The following CACNA1I variants were observed in gnomAD, a reference collection of about 807,000 sequenced individuals.
CACNA1I encodes the protein voltage-dependent T-type calcium channel subunit alpha-1I.
Under a neutral mutation model 201.6 loss-of-function variants are expected in CACNA1I, and 74 were observed. The observed-to-expected ratio is 0.37, with a 90% confidence interval of 0.30 to 0.45. CACNA1I has a LOEUF of 0.45. CACNA1I is among the 20% of genes least tolerant of loss of function. CACNA1I has a pLI of 1.00. For synonymous variants in CACNA1I, 1,431 were observed against 1,345.2 expected (o/e 1.06, Z -1.40); for missense variants, 2,346 against 3,138.1 (o/e 0.75, Z 6.03).
Position 39,677,307 on chromosome 22 carries a change from C to A in CACNA1I, c.4855-34C>A. On this transcript the variant is annotated intron_variant, in intron 29 of 36. Coordinates refer to ENST00000402142, the MANE Select transcript of CACNA1I (RefSeq NM_021096.4). The surrounding 1 kb of genome is among the most constrained non-coding windows in gnomAD (Gnocchi z 4.8). ...GGCCTGGTGCGCCCCCACCCGCTCC[C>A]CAGCCCCACCCGGCCTCACCTGTCC... The A allele has an allele frequency of 6.6e-7, 1 of 1,511,262 alleles. No homozygotes were observed. The highest frequency in any genetic ancestry group is 9.0e-7 in the Non-Finnish European group (1 of 1,115,266). The allele number at this position is 1,511,262 out of a possible 1,614,324, so 93.6% of individuals were successfully genotyped here.
intron 15 of CACNA1I, 122 bp from the exon 16 acceptor site, chr22:39,660,986 G>A (rs111329421): frequency 1.6e-5 from 13 of 788,384 alleles, no homozygotes; most frequent in African/African-American, 6.9e-5. Context: ...GGTAGAGGAA[G>A]CCTCCTTAGA....
chr22:39,600,611 G>C lies in CACNA1I; in HGVS notation c.440G>C (p.Gly147Ala). 6.2e-7 allele frequency: 1 copy of C among 1,609,552 alleles called. No individual in the cohort carries two copies. The highest frequency in any genetic ancestry group is 8.5e-7 in the Non-Finnish European group (1 of 1,178,146). ...LGIFGKKCYL[G>A]DTWNRLDFFI... ...ATTTTTGGCAAGAAGTGCTACCTCG[G>C]GGACACATGGAACCGCCTGGATTTC... Residue 147 changes from glycine (G) to alanine (A), a missense_variant, in exon 3 of 37, where the codon GGG becomes GCG. Transcript: ENST00000402142.
intron 5 of CACNA1I, among the ~76,000 whole-genome samples, chr22:39,637,846 T>G (rs913561854): frequency 3.3e-5 from 5 of 152,240 alleles, no homozygotes; most frequent in Admixed American, 3.3e-4. Context: ...CAGTGCTTTC[T>G]TTTAGGAACT....
rs531581992 is a variant in CACNA1I at position 39,641,231 on chromosome 22, C to T, written c.1056+49C>T. On this transcript the variant is annotated intron_variant, in intron 6 of 36. Coordinates refer to ENST00000402142, the MANE Select transcript of CACNA1I (RefSeq NM_021096.4). ...CAGCCTGGTCCTAGAGTGGGCAGCT[C>T]TGCCTGGTGGGCAGGGCTCTGTGCT... The T allele has an allele frequency of 2.6e-6, 4 of 1,511,020 alleles. No homozygotes were observed. The Admixed American group carries it at 6.8e-5, about 26-fold the overall frequency. 93.6% of individuals were successfully genotyped at this position (1,511,020 alleles called of 1,614,324 possible). A position where few individuals can be genotyped will look rare whatever the true frequency, so the allele number is the denominator to read the frequency against.
At chr22:39,672,791 A>T (rs1483838118) in intron 27 of CACNA1I, among the ~76,000 whole-genome samples, 158 bp from the exon 28 acceptor site, 1 of 152,122 alleles carries the variant, frequency 6.6e-6, no homozygotes, top group Non-Finnish European at 1.5e-5. Flanking sequence ...GCCTGGACCC[A>T]GTGGCGTTAG....
intron 5 of CACNA1I, among the ~76,000 whole-genome samples, chr22:39,637,287 C>T (rs971290533): frequency 1.3e-5 from 2 of 152,192 alleles, no homozygotes; most frequent in Non-Finnish European, 2.9e-5. Flanking sequence ...AATGGGGCTT[C>T]TCGCTTCACA....
chr22:39,589,602 G>C (rs1932798817), intron 1 of CACNA1I, among the ~76,000 whole-genome samples: 1 of 152,204 alleles, frequency 6.6e-6, no homozygotes, highest in East Asian at 1.9e-4. Context: ...AGCTGAGCCT[G>C]GTTCATCTCA....
intron 34 of CACNA1I, among the ~76,000 whole-genome samples, chr22:39,681,702 G>A (rs960946263): frequency 6.6e-6 from 1 of 151,772 alleles, no homozygotes; most frequent in Non-Finnish European, 1.5e-5. Flanking sequence ...TGATCTCAAG[G>A]TCAAGGTGGT....
At chr22:39,631,757 G>C (rs2146408993) in intron 4 of CACNA1I, among the ~76,000 whole-genome samples, 1 of 152,272 alleles carries the variant, frequency 6.6e-6, no homozygotes, top group Non-Finnish European at 1.5e-5. Flanking sequence ...AGTCTCCAGA[G>C]GCACTGAGGG....
rs78716065 is a variant in CACNA1I, at chr22:39,650,878, G to T, written c.1992+953G>T. 3.6e-3 allele frequency among the ~76,000 whole-genome samples: 546 copies of T among 152,316 alleles called. 4 individuals are homozygous for T. The highest frequency in any genetic ancestry group is 0.013 in the African/African-American group (525 of 41,562). On this transcript the variant is annotated intron_variant, in intron 10 of 36. Transcript: ENST00000402142. Reference sequence around the variant, plus strand: ...GGACAGCTTCTGGGAGATGGTGGGAGCTGGGGGAGGATGTGTGTGTGAGGA... The same window carrying T: ...GGACAGCTTCTGGGAGATGGTGGGATCTGGGGGAGGATGTGTGTGTGAGGA...
At chr22:39,581,608 C>T (rs1371051434) in intron 1 of CACNA1I, among the ~76,000 whole-genome samples, 2 of 152,144 alleles carry the variant, frequency 1.3e-5, no homozygotes, top group Non-Finnish European at 2.9e-5. Context: ...AGCAAGCTGG[C>T]CGGCTGTTGA....
chr22:39,646,751 C>T lies in CACNA1I; in HGVS notation c.1332C>T (p.His444=), dbSNP rs761100583. 11 of 1,595,414 alleles carry T rather than the reference C, an allele frequency of 6.9e-6. No homozygotes were observed. Among genetic ancestry groups the T allele is most frequent in the South Asian group, 4.5e-5 (4 of 88,216 alleles). ...AGGAGATCTTCCAGTATGTCTGCCA[C>T]ATCCTGCGCAAGGCCAAGCGCCGCG... ...CYEEIFQYVC[H]ILRKAKRRAL... The change falls in exon 8 of 37, where the codon CAC becomes CAT. Residue 444 remains histidine (H), a synonymous_variant. Transcript: ENST00000402142.
chr22:39,633,450 T>C (rs983119751), intron 4 of CACNA1I, among the ~76,000 whole-genome samples: 17 of 152,146 alleles, frequency 1.1e-4, no homozygotes, highest in African/African-American at 3.9e-4. Flanking sequence ...TCAGAGGTGC[T>C]GAGATTGCCC....
intron 33 of CACNA1I, among the ~76,000 whole-genome samples, 193 bp downstream of exon 33, chr22:39,680,061 G>C (rs1935656667): frequency 6.6e-6 from 1 of 152,184 alleles, no homozygotes; most frequent in African/African-American, 2.4e-5. Flanking sequence ...TGGTGTGGTG[G>C]CCACAGCTGC....
chr22:39,637,986 T>G (rs1312072380), intron 5 of CACNA1I, among the ~76,000 whole-genome samples: 4 of 152,064 alleles, frequency 2.6e-5, no homozygotes, highest in Admixed American at 6.5e-5. Context: ...TAGGCTGGAG[T>G]GCAGTGGCAT....
In CACNA1I at chr22:39,665,913, C is replaced by T. The variant is rs778282036; in HGVS notation, c.4011C>T (p.Gly1337=). 20 of 1,613,752 alleles carry T rather than the reference C, an allele frequency of 1.2e-5. No homozygotes were observed. Among genetic ancestry groups the T allele is most frequent in the Middle Eastern group, 1.6e-4 (1 of 6,084 alleles). The change falls in exon 23 of 37, where the codon GGC becomes GGT. Residue 1337 remains glycine (G), a synonymous_variant. Transcript: ENST00000402142. This position sits in a 1 kb window ranked among gnomAD's most constrained non-coding sequence, Gnocchi z 5.5. The part of the protein sequence containing the change: ...LFKGKFYHCL[G]VDTRNITNRS... ...AGGGCAAGTTCTACCACTGTCTGGG[C>T]GTGGACACCCGCAACATCACCAACC...
chr22:39,594,058 T>C (rs557074984), intron 1 of CACNA1I, among the ~76,000 whole-genome samples: 1 of 152,130 alleles, frequency 6.6e-6, no homozygotes, highest in South Asian at 2.1e-4. Flanking sequence ...AGGAGAGCCA[T>C]GGGCAGAGAC....
chr22:39,589,979 C>T (rs1166321274), intron 1 of CACNA1I, among the ~76,000 whole-genome samples: 1 of 152,116 alleles, frequency 6.6e-6, no homozygotes, highest in African/African-American at 2.4e-5. Context: ...CCCCCACCAG[C>T]CTCCCAGAGC....
chr22:39,673,128 G>C (rs1321716096), intron 28 of CACNA1I, 46 bp downstream of exon 28: 1 of 1,492,642 alleles, frequency 6.7e-7, no homozygotes, highest in Non-Finnish European at 9.1e-7. Context: ...AGCAGGGGCG[G>C]GATGAGACTC....
Sources: allele counts gnomAD v4.1 joint callset (sites outside exome capture counted in the v4.1 genomes callset), GRCh38; gene constraint gnomAD v4.1.1; non-coding constraint Gnocchi (gnomAD v3.1); transcripts MANE v1.5; gene names NCBI Gene and HGNC (gene_info 2026-07-23, HGNC 2026-07-21).